SYNJ2: variants seen among roughly 807,000 people sequenced by gnomAD.
The protein encoded by SYNJ2 is synaptojanin 2.
Under a neutral mutation model 141.3 loss-of-function variants are expected in SYNJ2, and 116 were observed. The observed-to-expected ratio is 0.82, with a 90% CI of 0.71 to 0.96. SYNJ2 has a LOEUF of 0.96. Ranked by LOEUF, SYNJ2 falls within the 40% of genes least tolerant of loss-of-function variation. The pLI is 0.00. For missense variants in SYNJ2, 1,873 were observed against 1,934.8 expected (o/e 0.97, Z 0.60); for synonymous variants, 745 against 777.7 (o/e 0.96, Z 0.70).
chr6:158,059,212 C>T, intron 6 of SYNJ2, 45 bp from the exon 7 acceptor site: 4 of 1,502,502 alleles, frequency 2.7e-6, no homozygotes, highest in Non-Finnish European at 3.6e-6. Flanking sequence ...AGAGTCTGCA[C>T]CTGTGCCCGT....
chr6:158,093,601 C>G (rs942955804), intron 26 of SYNJ2, among the ~76,000 whole-genome samples: 2 of 152,172 alleles, frequency 1.3e-5, no homozygotes, highest in African/African-American at 4.8e-5. Context: ...TTGGCTCTGG[C>G]TGAGAAGAAC....
intron 3 of SYNJ2, 58 bp downstream of exon 3, chr6:158,029,084 C>A: frequency 6.3e-7 from 1 of 1,578,380 alleles, no homozygotes; most frequent in Non-Finnish European, 8.6e-7. Context: ...GAGGGTGGGC[C>A]CTGGTTGGCA....
At chr6:158,039,986 C>T (rs1003364148) in intron 4 of SYNJ2, among the ~76,000 whole-genome samples, 2 of 152,080 alleles carry the variant, frequency 1.3e-5, no homozygotes, top group African/African-American at 4.8e-5. Context: ...ATGATGGGAC[C>T]GGACCAGGAG....
intron 8 of SYNJ2, 112 bp from the exon 9 acceptor site, chr6:158,063,679 A>C (rs1583440540): frequency 1.6e-6 from 1 of 619,396 alleles, no homozygotes. Context: ...AAAAAAAAAA[A>C]AAAAAAAACC....
chr6:158,019,421 A>G (rs1778641403), intron 2 of SYNJ2, among the ~76,000 whole-genome samples: 2 of 152,216 alleles, frequency 1.3e-5, no homozygotes, highest in African/African-American at 4.8e-5. Context: ...GTTTTTTCCC[A>G]GGGCTGTGAT....
chr6:158,007,640 TTTTG>T (rs1778123210), intron 1 of SYNJ2, among the ~76,000 whole-genome samples: 2 of 152,046 alleles, frequency 1.3e-5, no homozygotes, highest in Non-Finnish European at 1.5e-5. Flanking sequence ...TGTGGTTGTG[TTTTG>T]TTTTTGTTTT....
intron 11 of SYNJ2, 41 bp downstream of exon 11, chr6:158,065,032 T>C (rs1456210621): frequency 6.7e-7 from 1 of 1,483,380 alleles, no homozygotes; most frequent in Admixed American, 2.3e-5. Context: ...GGAGGTAGGG[T>C]GCTCCCCAGC....
chr6:158,085,888 G>T (rs928893486), intron 22 of SYNJ2, among the ~76,000 whole-genome samples: 1 of 152,082 alleles, frequency 6.6e-6, no homozygotes, highest in Non-Finnish European at 1.5e-5. Context: ...GCTTCTGCCC[G>T]GGAGTTGAAG....
intron 2 of SYNJ2, 21 bp from the exon 3 acceptor site, chr6:158,028,735 C>T (rs1779194567): frequency 1.9e-6 from 3 of 1,612,120 alleles, no homozygotes; most frequent in African/African-American, 2.7e-5. Flanking sequence ...CCTGAGCTCT[C>T]CTGTCTGATT....
chr6:158,035,566 G>T (rs1667208861), intron 4 of SYNJ2, among the ~76,000 whole-genome samples: 1 of 152,130 alleles, frequency 6.6e-6, no homozygotes, highest in Non-Finnish European at 1.5e-5. Flanking sequence ...AGACTGTGGT[G>T]TTTTCTAGAT....
rs954511529 is a variant in SYNJ2, at chr6:158,098,105, T to A, written c.*1741T>A. The A allele has an allele frequency of 6.6e-6, 1 of 152,158 alleles. No individual in the cohort carries two copies. Among genetic ancestry groups the A allele is most frequent in the Non-Finnish European group, 1.5e-5 (1 of 68,034 alleles). 9.4% of individuals were successfully genotyped at this position (152,158 alleles called of 1,614,324 possible). Reference sequence around the variant, plus strand: ...TTAACAGCCAGAGTCATAAATGAAATGAAATTGAAGAATTCATTCAAATGC... The same window carrying A: ...TTAACAGCCAGAGTCATAAATGAAAAGAAATTGAAGAATTCATTCAAATGC... On this transcript the variant is annotated 3_prime_UTR_variant, in exon 27 of 27. Coordinates refer to ENST00000355585, the MANE Select transcript of SYNJ2 (RefSeq NM_003898.4).
chr6:157,985,961 A>ACGTCT (rs1394300775), intron 1 of SYNJ2, among the ~76,000 whole-genome samples: 1 of 152,204 alleles, frequency 6.6e-6, no homozygotes, highest in African/African-American at 2.4e-5. Context: ...GTGCGAGGCC[A>ACGTCT]CGTCTCGAGT....
At chr6:158,094,714 G>A (rs1459654324) in intron 26 of SYNJ2, among the ~76,000 whole-genome samples, 2 of 152,160 alleles carry the variant, frequency 1.3e-5, no homozygotes, top group Non-Finnish European at 2.9e-5. Flanking sequence ...ACACTGAAAC[G>A]CCAATGTTTA....
At chr6:158,028,637 A>G in intron 2 of SYNJ2, 119 bp from the exon 3 acceptor site, 1 of 1,327,150 alleles carries the variant, frequency 7.5e-7, no homozygotes. Flanking sequence ...GGGAAGTTGC[A>G]GGTGCACAGA....
chr6:158,000,452 T>C (rs1777802361), intron 1 of SYNJ2, among the ~76,000 whole-genome samples: 1 of 152,136 alleles, frequency 6.6e-6, no homozygotes, highest in South Asian at 2.1e-4. Flanking sequence ...CCTGAGAGCC[T>C]GGGGCTCAGT....
chr6:158,059,208 T>C, intron 6 of SYNJ2, 49 bp from the exon 7 acceptor site: 6 of 1,493,564 alleles, frequency 4.0e-6, no homozygotes, highest in Non-Finnish European at 5.4e-6. Flanking sequence ...GGGCAGAGTC[T>C]GCACCTGTGC....
Position 157,982,338 on chromosome 6 carries a change from A to G in SYNJ2, c.127+250A>G, listed in dbSNP as rs1281898275. Among the ~76,000 whole-genome samples the G allele has an allele frequency of 4.6e-5, 7 of 152,166 alleles. No individual in the cohort carries two copies. The highest frequency in any genetic ancestry group is 6.5e-5 in the Admixed American group (1 of 15,280). The stretch of plus-strand genomic sequence containing the variant: ...ACGGGGATCTCCGGCCCGCGCCGCC[A>G]GAGGATATGGTTGCTGGATAGCCGG... On this transcript the variant is annotated intron_variant, in intron 1 of 26. Coordinates refer to ENST00000355585, the MANE Select transcript of SYNJ2 (RefSeq NM_003898.4). The surrounding 1 kb of genome is among the most constrained non-coding windows in gnomAD (Gnocchi z 4.0).
chr6:158,005,854 T>G (rs1356349142), intron 1 of SYNJ2, among the ~76,000 whole-genome samples: 1 of 152,106 alleles, frequency 6.6e-6, no homozygotes, highest in Non-Finnish European at 1.5e-5. Flanking sequence ...GCTGGCTCCC[T>G]GCACCACCAC....
Position 158,045,504 on chromosome 6 carries a change from A to G in SYNJ2, c.795+2105A>G, listed in dbSNP as rs115560986. On this transcript the variant is annotated intron_variant, in intron 5 of 26. Coordinates refer to ENST00000355585, the MANE Select transcript of SYNJ2 (RefSeq NM_003898.4). ...CCGACTCTTGGTGAATTCCTCCTGT[A>G]TTGCACTGCTGCGTCTGTCTGACTC... is the stretch of plus-strand genomic sequence containing the variant. 7.0e-3 allele frequency among the ~76,000 whole-genome samples: 1,064 copies of G among 152,122 alleles called. 9 individuals are homozygous for G. Among genetic ancestry groups the G allele is most frequent in the African/African-American group, 0.021 (858 of 41,482 alleles).
Sources: allele counts gnomAD v4.1 joint callset (sites outside exome capture counted in the v4.1 genomes callset), GRCh38; gene constraint gnomAD v4.1.1; non-coding constraint Gnocchi (gnomAD v3.1); transcripts MANE v1.5; gene names NCBI Gene and HGNC (gene_info 2026-07-23, HGNC 2026-07-21).